RNF212: variants seen among roughly 807,000 people sequenced by gnomAD.
RNF212 encodes the protein probable E3 SUMO-protein ligase RNF212.
A neutral mutation model predicts 34.7 loss-of-function variants in RNF212; 33 were observed. The ratio of observed to expected loss-of-function variants is 0.95; its 90% CI spans 0.72 to 1.27. RNF212 has a LOEUF of 1.27. RNF212 is among the 50% of genes most tolerant of loss of function. RNF212 has a pLI of 0.00. For synonymous variants in RNF212, 140 were observed against 136.1 expected (o/e 1.03, Z -0.20); for missense variants, 377 against 362.2 (o/e 1.04, Z -0.33).
intron 4 of RNF212, among the ~76,000 whole-genome samples, chr4:1,087,472 C>T (rs1211620231): frequency 2.0e-5 from 1 of 49,346 alleles, no homozygotes; most frequent in African/African-American, 9.3e-5. Flanking sequence ...GTGGGGGTGA[C>T]AGGATGGGGT....
chr4:1,099,885 G>A, intron 2 of RNF212: 1 of 456,214 alleles, frequency 2.2e-6, no homozygotes, highest in Non-Finnish European at 4.4e-6. Context: ...CAGCTGTAAA[G>A]GCGTGCTGTT....
At chr4:1,105,311 TG>T (rs1724638474) in intron 2 of RNF212, among the ~76,000 whole-genome samples, 1 of 152,160 alleles carries the variant, frequency 6.6e-6, no homozygotes, top group Admixed American at 6.5e-5. Context: ...TCTCCCTTCC[TG>T]GCGGCCCAGC....
chr4:1,081,373 C>T (rs199652198), intron 7 of RNF212, 46 bp downstream of exon 7: 19 of 1,562,608 alleles, frequency 1.2e-5, no homozygotes, highest in Admixed American at 1.7e-5. Context: ...GGTGCAGAAT[C>T]GGAAAGACCT....
Position 1,072,686 on chromosome 4 carries a change from A to T in RNF212, c.*188T>A. ...ATAATAACAATATATATGAGTACATAAAAATATTGTCTCTAAAATTCAAAG... is the reference window on the plus strand; with the variant it reads ...ATAATAACAATATATATGAGTACATTAAAATATTGTCTCTAAAATTCAAAG... On this transcript the variant is annotated 3_prime_UTR_variant, in exon 10 of 10. Coordinates refer to ENST00000433731, the MANE Select transcript of RNF212 (RefSeq NM_001131034.4). The T allele has an allele frequency of 7.6e-7, 1 of 1,318,576 alleles. No individual in the cohort carries two copies. Among genetic ancestry groups the T allele is most frequent in the Non-Finnish European group, 9.9e-7 (1 of 1,008,782 alleles). 81.7% of individuals were successfully genotyped at this position (1,318,576 alleles called of 1,614,324 possible).
At chr4:1,112,411 G>A (rs1437716932) in intron 1 of RNF212, among the ~76,000 whole-genome samples, 1 of 152,102 alleles carries the variant, frequency 6.6e-6, no homozygotes, top group Admixed American at 6.5e-5. Flanking sequence ...CTGCTTTCAC[G>A]GGGAAGTTCG....
intron 8 of RNF212, 136 bp from the exon 9 acceptor site, chr4:1,073,798 G>C (rs142594077): frequency 1.6e-5 from 11 of 672,404 alleles, no homozygotes; most frequent in African/African-American, 1.4e-4. Flanking sequence ...ACAAGTTCCT[G>C]TCTAACTTGA....
intron 3 of RNF212, among the ~76,000 whole-genome samples, chr4:1,061,812 A>T (rs1359508057): frequency 1.3e-5 from 2 of 152,204 alleles, no homozygotes; most frequent in African/African-American, 4.8e-5. Flanking sequence ...CCAATCAAAC[A>T]ACCTTGGATA....
chr4:1,106,938 T>C (rs1187483084), intron 2 of RNF212, among the ~76,000 whole-genome samples: 5 of 152,206 alleles, frequency 3.3e-5, no homozygotes, highest in South Asian at 2.1e-4. Context: ...GGAAGGTTGT[T>C]TGAAACAGCG....
intron 4 of RNF212, among the ~76,000 whole-genome samples, chr4:1,087,891 G>T (rs924738980): frequency 6.6e-6 from 1 of 152,000 alleles, no homozygotes; most frequent in Admixed American, 6.5e-5. Context: ...TGCCATGATT[G>T]TAAGTTTCCT....
chr4:1,071,427 C>T (rs370468226), downstream of RNF212: 304 of 152,054 alleles, frequency 2.0e-3, 2 homozygotes, highest in African/African-American at 7.1e-3. Context: ...GAATTCTGTT[C>T]TGTGAAAGAT....
chr4:1,079,744 G>A lies in RNF212; in HGVS notation c.465-56C>T, dbSNP rs369646291. 3.9e-5 allele frequency: 47 copies of A among 1,191,422 alleles called. No homozygotes were observed. In the East Asian group the frequency reaches 6.3e-4, roughly 16 times the overall value. 73.8% of individuals were successfully genotyped at this position (1,191,422 alleles called of 1,614,324 possible). On this transcript the variant is annotated intron_variant, in intron 7 of 9. Transcript: ENST00000433731. ...GAGCCCAGGACTTACCTCTAACAAC[G>A]TCAGTTGAAATACACACATGACGAG...
At chr4:1,093,637 G>A in intron 3 of RNF212, 1 of 1,535,942 alleles carries the variant, frequency 6.5e-7, no homozygotes, top group Non-Finnish European at 8.7e-7. Flanking sequence ...TCTCTCCTGA[G>A]ACAGCACCTG....
downstream of RNF212, among the ~76,000 whole-genome samples, chr4:1,068,941 C>T (rs1299734956): frequency 6.6e-6 from 1 of 152,216 alleles, no homozygotes; most frequent in Non-Finnish European, 1.5e-5. Flanking sequence ...GACGCAATGG[C>T]TCACACCTGC....
chr4:1,060,237 C>T (rs776608679), intron 3 of RNF212, among the ~76,000 whole-genome samples: 1 of 152,178 alleles, frequency 6.6e-6, no homozygotes, highest in Non-Finnish European at 1.5e-5. Flanking sequence ...AAGCAGTGCT[C>T]AAGAGAGCCA....
exon 5 of RNF212, chr4:1,056,460 G>A: frequency 1.0e-6 from 1 of 975,532 alleles, no homozygotes. Context: ...GGAAGTCGCG[G>A]TAAAAACACA....
chr4:1,097,780 C>G (rs866724998), intron 2 of RNF212, among the ~76,000 whole-genome samples: 2 of 152,050 alleles, frequency 1.3e-5, no homozygotes, highest in Non-Finnish European at 2.9e-5. Context: ...ATCGCTTGAG[C>G]AGTCCAAAGA....
Position 1,072,822 on chromosome 4 carries a change from A to G in RNF212, c.*52T>C. On this transcript the variant is annotated 3_prime_UTR_variant, in exon 10 of 10. Transcript: ENST00000433731. ...AGCAGATAATTTGTAGAAAAAACACAGAGGAATAAATTGAAAACACTCAGA... is the reference window on the plus strand; with the variant it reads ...AGCAGATAATTTGTAGAAAAAACACGGAGGAATAAATTGAAAACACTCAGA... 1 of 1,510,226 alleles carries G rather than the reference A, an allele frequency of 6.6e-7. No individual in the cohort carries two copies. Among genetic ancestry groups the G allele is most frequent in the African/African-American group, 1.4e-5 (1 of 71,700 alleles). The allele number at this position is 1,510,226 out of a possible 1,614,324, so 93.6% of individuals were successfully genotyped here.
At chr4:1,090,919 G>A (rs1577734297) in intron 3 of RNF212, 81 bp from the exon 4 acceptor site, 2 of 876,362 alleles carry the variant, frequency 2.3e-6, no homozygotes, top group East Asian at 4.8e-5. Context: ...GGAGGAGGCT[G>A]GAGGGACTCT....
intron 4 of RNF212, chr4:1,057,127 G>A (rs369339393): frequency 7.6e-5 from 22 of 290,972 alleles, no homozygotes; most frequent in Non-Finnish European, 9.8e-5. Flanking sequence ...TGAGAACCTC[G>A]GAGCAGCACG....
Sources: allele counts gnomAD v4.1 joint callset (sites outside exome capture counted in the v4.1 genomes callset), GRCh38; gene constraint gnomAD v4.1.1; transcripts MANE v1.5; gene names NCBI Gene and HGNC (gene_info 2026-07-23, HGNC 2026-07-21).